KCTD16: variants seen among roughly 807,000 people sequenced by gnomAD.
KCTD16 encodes BTB/POZ domain-containing protein KCTD16.
Under a neutral mutation model 33.2 loss-of-function variants are expected in KCTD16, and 13 were observed. That is an observed-to-expected ratio of 0.39 (90% CI 0.25 to 0.62). The LOEUF is 0.62. Ranked by LOEUF, KCTD16 falls within the 20% of genes least tolerant of loss-of-function variation. The pLI is 0.50. For missense variants in KCTD16, 441 were observed against 525.1 expected (o/e 0.84, Z 1.57); for synonymous variants, 197 against 195.3 (o/e 1.01, Z -0.07).
At chr5:144,192,090 G>T (rs545523081) in intron 2 of KCTD16, among the ~76,000 whole-genome samples, 1 of 152,176 alleles carries the variant, frequency 6.6e-6, no homozygotes, top group Non-Finnish European at 1.5e-5. Flanking sequence ...GACTTTGGGA[G>T]CTTAAGACTT....
intron 3 of KCTD16, among the ~76,000 whole-genome samples, chr5:144,251,631 T>C (rs1754703163): frequency 6.6e-6 from 1 of 152,174 alleles, no homozygotes; most frequent in African/African-American, 2.4e-5. Flanking sequence ...TCTCCAAAGA[T>C]GTGGCTTTTC....
intron 3 of KCTD16, among the ~76,000 whole-genome samples, chr5:144,277,339 C>T (rs1486078315): frequency 6.6e-6 from 1 of 152,170 alleles, no homozygotes; most frequent in African/African-American, 2.4e-5. Context: ...CTCCATTGGG[C>T]TGATCACAAT....
chr5:144,268,523 T>G (rs1392935330), intron 3 of KCTD16, among the ~76,000 whole-genome samples: 2 of 152,136 alleles, frequency 1.3e-5, no homozygotes, highest in Non-Finnish European at 2.9e-5. Flanking sequence ...CAGAAAAGTT[T>G]TAAAAAGACC....
chr5:144,274,075 T>A (rs779157323), intron 3 of KCTD16, among the ~76,000 whole-genome samples: 1 of 151,538 alleles, frequency 6.6e-6, no homozygotes, highest in Non-Finnish European at 1.5e-5. Context: ...TTGGGCATTT[T>A]AAGAAAAAGG....
At chr5:144,462,022 G>A (rs1754207611) in intron 3 of KCTD16, among the ~76,000 whole-genome samples, 1 of 152,108 alleles carries the variant, frequency 6.6e-6, no homozygotes. Flanking sequence ...TACTATTCTG[G>A]TGTTTCATCA....
chr5:144,391,552 G>A (rs1752449159), intron 3 of KCTD16, among the ~76,000 whole-genome samples: 1 of 152,206 alleles, frequency 6.6e-6, no homozygotes, highest in African/African-American at 2.4e-5. Context: ...ATGAGAAACA[G>A]ATGTACAGTC....
intron 2 of KCTD16, chr5:144,205,158 C>T (rs1253104412): frequency 1.0e-5 from 2 of 191,406 alleles, no homozygotes; most frequent in East Asian, 1.2e-4. Flanking sequence ...GACTCCAGGA[C>T]AGGACAGGGA....
intron 3 of KCTD16, among the ~76,000 whole-genome samples, chr5:144,439,811 G>A (rs1210786470): frequency 6.6e-6 from 1 of 151,994 alleles, no homozygotes; most frequent in Non-Finnish European, 1.5e-5. Context: ...TAAACTTGCT[G>A]TTTTTGTTTT....
At chr5:144,291,137 A>G (rs1046738830) in intron 3 of KCTD16, among the ~76,000 whole-genome samples, 1 of 152,174 alleles carries the variant, frequency 6.6e-6, no homozygotes, top group African/African-American at 2.4e-5. Context: ...TGGTGCCCTG[A>G]GCTGATGGAG....
chr5:144,358,189 C>T (rs959020843), intron 3 of KCTD16, among the ~76,000 whole-genome samples: 3 of 151,198 alleles, frequency 2.0e-5, no homozygotes, highest in Non-Finnish European at 4.4e-5. Context: ...CAGCCTTGGC[C>T]TCCCAAAGTG....
intron 3 of KCTD16, among the ~76,000 whole-genome samples, chr5:144,367,248 G>C (rs1350831268): frequency 6.6e-6 from 1 of 152,150 alleles, no homozygotes; most frequent in Non-Finnish European, 1.5e-5. Context: ...TATGGATTTG[G>C]GGGAAGGGTG....
chr5:144,342,792 C>T (rs1006043876), intron 3 of KCTD16, among the ~76,000 whole-genome samples: 6 of 152,100 alleles, frequency 3.9e-5, no homozygotes, highest in Non-Finnish European at 7.4e-5. Flanking sequence ...GCATGAAGGG[C>T]TGTTGAATTT....
intron 3 of KCTD16, among the ~76,000 whole-genome samples, chr5:144,408,109 TA>T (rs1752852549): frequency 6.6e-6 from 1 of 152,206 alleles, no homozygotes; most frequent in South Asian, 2.1e-4. Context: ...GATCCTTGAG[TA>T]ATGGCCACAT....
chr5:144,414,901 A>T (rs1435038837), intron 3 of KCTD16, among the ~76,000 whole-genome samples: 1 of 152,192 alleles, frequency 6.6e-6, no homozygotes, highest in Non-Finnish European at 1.5e-5. Context: ...TGCTGATGGA[A>T]CTCAGACACA....
intron 3 of KCTD16, among the ~76,000 whole-genome samples, chr5:144,405,121 T>C (rs149744698): frequency 6.6e-6 from 1 of 152,326 alleles, no homozygotes; most frequent in African/African-American, 2.4e-5. Flanking sequence ...TTGCCCAGGA[T>C]CACAGCTATG....
chr5:144,303,542 T>G lies in KCTD16; in HGVS notation c.832+95996T>G, dbSNP rs959921854. Among the ~76,000 whole-genome samples, 20 of 152,316 alleles carry G rather than the reference T, an allele frequency of 1.3e-4. No homozygotes were observed. In the Middle Eastern group the frequency reaches 0.01, roughly 78 times the overall value. On this transcript the variant is annotated intron_variant, in intron 3 of 3. Transcript: ENST00000512467. ...AGTCTCTTGTCAAAAGTTTCAAACA[T>G]GATTAAGCTTTTTGTGCTCATTATC...
At chr5:144,417,008 T>C (rs1753069844) in intron 3 of KCTD16, among the ~76,000 whole-genome samples, 1 of 152,206 alleles carries the variant, frequency 6.6e-6, no homozygotes. Flanking sequence ...CCATAACTTG[T>C]TTGTCCATTT....
At chr5:144,176,387 CTT>C (rs368578231) in intron 2 of KCTD16, among the ~76,000 whole-genome samples, 36,836 of 108,126 alleles carry the variant, frequency 0.34, 5,142 homozygotes, top group African/African-American at 0.51. Context: ...TATAGTGTTT[CTT>C]TTTTTTTTTT....
chr5:144,417,039 C>T (rs762742381), intron 3 of KCTD16, among the ~76,000 whole-genome samples: 1 of 152,114 alleles, frequency 6.6e-6, no homozygotes, highest in Non-Finnish European at 1.5e-5. Flanking sequence ...GAGATTTAGG[C>T]TACTTCTACT....
Sources: allele counts gnomAD v4.1 joint callset (sites outside exome capture counted in the v4.1 genomes callset), GRCh38; gene constraint gnomAD v4.1.1; transcripts MANE v1.5; gene names NCBI Gene and HGNC (gene_info 2026-07-23, HGNC 2026-07-21).